RBFOX1: variants seen among roughly 807,000 people sequenced by gnomAD.
RBFOX1 encodes the protein RNA binding protein fox-1 homolog 1.
A neutral mutation model predicts 57.7 loss-of-function variants in RBFOX1; 8 were observed. The ratio of observed to expected loss-of-function variants is 0.14; its 90% CI spans 0.08 to 0.25. The LOEUF (loss-of-function observed/expected upper bound fraction) is 0.25. Ranked by LOEUF, RBFOX1 falls within the 10% of genes least tolerant of loss-of-function variation. RBFOX1 has a pLI of 1.00. For missense variants in RBFOX1, 611 were observed against 548.5 expected (o/e 1.11, Z -1.14); for synonymous variants, 326 against 222.4 (o/e 1.47, Z -4.15).
chr16:6,618,308 A>C (rs2098173077), intron 2 of RBFOX1, among the ~76,000 whole-genome samples: 1 of 152,334 alleles, frequency 6.6e-6, no homozygotes, highest in South Asian at 2.1e-4. Flanking sequence ...GATGACATTG[A>C]CTGAACACTT....
At chr16:6,369,032 A>T (rs867266426) in intron 2 of RBFOX1, among the ~76,000 whole-genome samples, 2 of 152,216 alleles carry the variant, frequency 1.3e-5, no homozygotes, top group Admixed American at 6.5e-5. Flanking sequence ...AATTGAAACT[A>T]TGGAAAATAA....
At chr16:7,134,449 G>GT (rs1443747960) in intron 4 of RBFOX1, among the ~76,000 whole-genome samples, 2 of 152,262 alleles carry the variant, frequency 1.3e-5, no homozygotes, top group African/African-American at 4.8e-5. Flanking sequence ...TTATTGATAT[G>GT]TTTTCATGCA....
chr16:5,850,903 T>C (rs1373563852), intron 3 of RBFOX1, among the ~76,000 whole-genome samples: 1 of 152,212 alleles, frequency 6.6e-6, no homozygotes, highest in East Asian at 1.9e-4. Context: ...TTTTAAAGGC[T>C]GGGACAGCAG....
intron 2 of RBFOX1, among the ~76,000 whole-genome samples, chr16:5,557,040 A>T (rs570958507): frequency 1.3e-5 from 2 of 152,066 alleles, no homozygotes; most frequent in African/African-American, 4.8e-5. Context: ...CAGGCGGATC[A>T]TGAGGTCAGG....
At chr16:6,314,113 A>AAGT (rs1240762734) in intron 1 of RBFOX1, among the ~76,000 whole-genome samples, 2 of 152,206 alleles carry the variant, frequency 1.3e-5, no homozygotes, top group Non-Finnish European at 2.9e-5. Context: ...CCTGGGTACC[A>AAGT]AGTACGGTAG....
chr16:5,848,968 AAAC>A (rs1273888249), intron 3 of RBFOX1, among the ~76,000 whole-genome samples: 9 of 150,126 alleles, frequency 6.0e-5, no homozygotes, highest in Non-Finnish European at 3.0e-5. Context: ...AAAAACAAAA[AAAC>A]AACAACAAAA....
At chr16:6,783,134 A>G (rs1403606959) in intron 3 of RBFOX1, among the ~76,000 whole-genome samples, 2 of 151,868 alleles carry the variant, frequency 1.3e-5, no homozygotes, top group African/African-American at 4.8e-5. Context: ...CGTAGGTAAA[A>G]ATGAGTTCCT....
At chr16:5,395,434 G>A (rs2066523728) in intron 1 of RBFOX1, among the ~76,000 whole-genome samples, 1 of 149,022 alleles carries the variant, frequency 6.7e-6, no homozygotes, top group African/African-American at 2.6e-5. Flanking sequence ...TTGCGGGTGA[G>A]GTCATGGGCC....
intron 2 of RBFOX1, among the ~76,000 whole-genome samples, chr16:6,344,898 C>T (rs2085131823): frequency 6.6e-6 from 1 of 151,764 alleles, no homozygotes; most frequent in African/African-American, 2.4e-5. Context: ...ACCAGGTTGG[C>T]CAGGCTGGTC....
intron 3 of RBFOX1, among the ~76,000 whole-genome samples, chr16:6,863,055 G>A (rs1422567296): frequency 1.3e-5 from 2 of 151,996 alleles, no homozygotes; most frequent in East Asian, 1.9e-4. Context: ...AAGGTGTTTG[G>A]TACATTATTC....
At chr16:7,269,590 A>G (rs973738486) in intron 4 of RBFOX1, among the ~76,000 whole-genome samples, 2 of 152,130 alleles carry the variant, frequency 1.3e-5, no homozygotes, top group African/African-American at 4.8e-5. Context: ...GCCATGAATC[A>G]TTTTGGGAAA....
At chr16:7,467,331 C>G (rs1042955838) in intron 4 of RBFOX1, among the ~76,000 whole-genome samples, 7 of 152,142 alleles carry the variant, frequency 4.6e-5, no homozygotes, top group African/African-American at 1.4e-4. Flanking sequence ...CATACCAAGT[C>G]TTATAGACTT....
At chr16:6,940,482 A>C (rs2094276438) in intron 3 of RBFOX1, among the ~76,000 whole-genome samples, 2 of 152,206 alleles carry the variant, frequency 1.3e-5, no homozygotes, top group African/African-American at 4.8e-5. Context: ...ATGATAATTT[A>C]GGTAAATATT....
chr16:7,433,254 T>TG (rs1469448075), intron 4 of RBFOX1, among the ~76,000 whole-genome samples: 4 of 152,172 alleles, frequency 2.6e-5, no homozygotes, highest in Admixed American at 1.3e-4. Context: ...AAACACATAG[T>TG]GGGCAGAGAC....
intron 2 of RBFOX1, among the ~76,000 whole-genome samples, chr16:6,580,135 T>G (rs2097514731): frequency 1.3e-5 from 2 of 151,976 alleles, no homozygotes; most frequent in African/African-American, 4.8e-5. Flanking sequence ...ACTTTTGTGT[T>G]TTTAGAAGAG....
intron 1 of RBFOX1, among the ~76,000 whole-genome samples, chr16:6,143,456 G>A (rs1464287663): frequency 1.3e-5 from 2 of 152,180 alleles, no homozygotes; most frequent in African/African-American, 2.4e-5. Context: ...TGATCCCAAT[G>A]CTCACAAAAT....
intron 2 of RBFOX1, among the ~76,000 whole-genome samples, chr16:6,471,808 T>C (rs1365449290): frequency 6.6e-6 from 1 of 152,118 alleles, no homozygotes; most frequent in Non-Finnish European, 1.5e-5. Flanking sequence ...ATCCCAGCTG[T>C]GTCTGGAGAT....
intron 3 of RBFOX1, among the ~76,000 whole-genome samples, chr16:6,909,138 A>C (rs1210718471): frequency 6.6e-6 from 1 of 152,208 alleles, no homozygotes; most frequent in Non-Finnish European, 1.5e-5. Context: ...TTGCTGGAGT[A>C]AAATCAAACG....
At chr16:5,490,341 A>G (rs569767765) in intron 2 of RBFOX1, among the ~76,000 whole-genome samples, 1 of 152,260 alleles carries the variant, frequency 6.6e-6, no homozygotes, top group African/African-American at 2.4e-5. Context: ...TGCCCCCCTT[A>G]CAGAACAGGA....
Sources: allele counts gnomAD v4.1 joint callset (sites outside exome capture counted in the v4.1 genomes callset), GRCh38; gene constraint gnomAD v4.1.1; transcripts MANE v1.5; gene names NCBI Gene and HGNC (gene_info 2026-07-23, HGNC 2026-07-21).